Variants in TMEM150C observed in about 807,000 individuals in gnomAD.
The protein encoded by TMEM150C is tentonin 3.
A neutral mutation model predicts 29.9 loss-of-function variants in TMEM150C; 10 were observed. The observed-to-expected ratio is 0.33, with a 90% CI of 0.21 to 0.57. The LOEUF (loss-of-function observed/expected upper bound fraction) is 0.57. Ranked by LOEUF, TMEM150C falls within the 20% of genes least tolerant of loss-of-function variation. The pLI, the probability that TMEM150C is intolerant of heterozygous loss-of-function variation, is 0.88. For missense variants in TMEM150C, 251 were observed against 303.6 expected, an observed-to-expected ratio of 0.83 and a Z score of 1.29; for synonymous variants, 101 against 112.5, an observed-to-expected ratio of 0.90 and a Z score of 0.64.
intron 1 of TMEM150C, among the ~76,000 whole-genome samples, chr4:82,525,024 T>G (rs1247415159): frequency 1.3e-5 from 2 of 152,166 alleles, no homozygotes; most frequent in African/African-American, 4.8e-5. Flanking sequence ...TATTGCAATG[T>G]TCTCAGAGAG....
At chr4:82,498,555 G>T (rs936363660) in intron 5 of TMEM150C, among the ~76,000 whole-genome samples, 4 of 152,192 alleles carry the variant, frequency 2.6e-5, no homozygotes, top group African/African-American at 9.6e-5. Context: ...CTCCCAAAGT[G>T]CTGGGACTAC....
intron 2 of TMEM150C, among the ~76,000 whole-genome samples, chr4:82,503,588 C>T (rs1388506666): frequency 1.3e-5 from 2 of 152,162 alleles, no homozygotes. Context: ...CAGTGGCTCA[C>T]GCCTGTAATC....
At chr4:82,525,610 C>A (rs1051237798) in intron 1 of TMEM150C, among the ~76,000 whole-genome samples, 6 of 152,194 alleles carry the variant, frequency 3.9e-5, no homozygotes, top group Admixed American at 3.9e-4. Context: ...ATATCCAGCC[C>A]TTTCTCTCTG....
chr4:82,501,095 T>C (rs1723722990), intron 5 of TMEM150C, among the ~76,000 whole-genome samples: 2 of 152,250 alleles, frequency 1.3e-5, no homozygotes, highest in African/African-American at 2.4e-5. Flanking sequence ...TTGTGCTCTG[T>C]TAAATGCAAA....
At chr4:82,525,219 G>A (rs1229081088) in intron 1 of TMEM150C, among the ~76,000 whole-genome samples, 2 of 152,182 alleles carry the variant, frequency 1.3e-5, no homozygotes, top group Admixed American at 6.5e-5. Context: ...GTGAATTTGC[G>A]TGTTTGGAAT....
chr4:82,513,202 C>T (rs1316868598), intron 1 of TMEM150C, among the ~76,000 whole-genome samples: 1 of 152,208 alleles, frequency 6.6e-6, no homozygotes, highest in African/African-American at 2.4e-5. Context: ...TGGCTGGCAT[C>T]TGGCAGGTGC....
At chr4:82,513,055 C>A (rs542549354) in intron 1 of TMEM150C, among the ~76,000 whole-genome samples, 1 of 152,200 alleles carries the variant, frequency 6.6e-6, no homozygotes, top group African/African-American at 2.4e-5. Flanking sequence ...TTGAAGAGAG[C>A]GGCAGATCTC....
At chr4:82,496,230 T>C (rs368459221) in intron 5 of TMEM150C, 35 bp from the exon 6 acceptor site, 1 of 1,602,714 alleles carries the variant, frequency 6.2e-7, no homozygotes, top group African/African-American at 1.3e-5. Flanking sequence ...ATGGAAGAAA[T>C]TAAATCACAC....
chr4:82,507,435 T>C (rs1723962093), intron 1 of TMEM150C, among the ~76,000 whole-genome samples: 1 of 152,206 alleles, frequency 6.6e-6, no homozygotes, highest in Non-Finnish European at 1.5e-5. Context: ...TATATACTAA[T>C]TTCCTGGCTC....
intron 1 of TMEM150C, among the ~76,000 whole-genome samples, chr4:82,540,025 G>A (rs1050362856): frequency 6.6e-6 from 1 of 150,414 alleles, no homozygotes; most frequent in Non-Finnish European, 1.5e-5. Flanking sequence ...ATGTTCATCT[G>A]GAAGAAGGAA....
Position 82,489,608 on chromosome 4 carries a change from A to G in TMEM150C, c.541+453T>C, listed in dbSNP as rs538154221. On this transcript the variant is annotated intron_variant, in intron 7 of 7. Coordinates refer to ENST00000449862, the MANE Select transcript of TMEM150C (RefSeq NM_001080506.3). ...AGTGCTTGAATTTGTCTTCCAGAAAAGCTTCATTATTTTCCTGAAATATAT... is the reference window on the plus strand; with the variant it reads ...AGTGCTTGAATTTGTCTTCCAGAAAGGCTTCATTATTTTCCTGAAATATAT... Among the ~76,000 whole-genome samples the G allele has an allele frequency of 2.6e-5, 4 of 152,262 alleles. No individual in the cohort carries two copies. In the South Asian group the frequency reaches 8.3e-4, roughly 32 times the overall value.
rs747453485 is a variant in TMEM150C at position 82,496,155 on chromosome 4, C to T, written c.276G>A (p.Pro92=). ...VAVLRFIQLK[P]KVLNPWLNIS... is the part of the protein sequence containing the mutation. ...TATTCAGCCACGGGTTTAAAACCTT[C>T]GGTTTCAGTTGTATGAAGCGCAGAA... Residue 92 remains proline, a synonymous_variant, in exon 6 of 8, where the codon CCG becomes CCA. Transcript: ENST00000449862. The T allele has an allele frequency of 2.5e-6, 4 of 1,613,880 alleles. No homozygotes were observed. The highest frequency in any genetic ancestry group is 1.1e-5 in the South Asian group (1 of 91,074).
intron 1 of TMEM150C, among the ~76,000 whole-genome samples, chr4:82,548,507 C>T (rs1471460466): frequency 6.6e-6 from 1 of 152,140 alleles, no homozygotes; most frequent in African/African-American, 2.4e-5. Flanking sequence ...CTACCATCTC[C>T]TTTCCCATTG....
At chr4:82,504,163 T>C (rs1442223612) in intron 2 of TMEM150C, among the ~76,000 whole-genome samples, 1 of 152,176 alleles carries the variant, frequency 6.6e-6, no homozygotes, top group Non-Finnish European at 1.5e-5. Flanking sequence ...AAATATATTA[T>C]TTTCAAGTAT....
intron 1 of TMEM150C, among the ~76,000 whole-genome samples, chr4:82,551,626 C>G (rs912256371): frequency 6.6e-6 from 1 of 152,136 alleles, no homozygotes; most frequent in South Asian, 2.1e-4. Flanking sequence ...CACGTGACTA[C>G]TCTTTTTGAT....
chr4:82,512,694 A>G (rs982471289), intron 1 of TMEM150C, among the ~76,000 whole-genome samples: 22 of 152,180 alleles, frequency 1.4e-4, no homozygotes, highest in African/African-American at 5.3e-4. Context: ...GTGATGAAAA[A>G]GTTTCAGAGA....
At chr4:82,528,221 C>T (rs1724716973) in intron 1 of TMEM150C, among the ~76,000 whole-genome samples, 1 of 152,354 alleles carries the variant, frequency 6.6e-6, no homozygotes. Flanking sequence ...AGCACTGATG[C>T]TGGGCCATGA....
chr4:82,493,700 T>G (rs981319350), intron 6 of TMEM150C, among the ~76,000 whole-genome samples: 7 of 152,182 alleles, frequency 4.6e-5, no homozygotes, highest in African/African-American at 1.7e-4. Flanking sequence ...ACAACATGCC[T>G]GTACCCTCAG....
At chr4:82,503,400 G>T (rs374928796) in intron 2 of TMEM150C, among the ~76,000 whole-genome samples, 11 of 151,926 alleles carry the variant, frequency 7.2e-5, no homozygotes, top group African/African-American at 2.7e-4. Context: ...CTAAAATTAG[G>T]GTTCAGTTTC....
Sources: allele counts gnomAD v4.1 joint callset (sites outside exome capture counted in the v4.1 genomes callset), GRCh38; gene constraint gnomAD v4.1.1; transcripts MANE v1.5; gene names NCBI Gene and HGNC (gene_info 2026-07-23, HGNC 2026-07-21).